ADAMTS12: variants seen among roughly 807,000 people sequenced by gnomAD.
The protein encoded by ADAMTS12 is ADAM metallopeptidase with thrombospondin type 1 motif 12, also known as A disintegrin and metalloproteinase with thrombospondin motifs 12.
ADAMTS12 carries 118 observed loss-of-function variants against 167.8 expected under a neutral mutation model. That is an observed-to-expected ratio of 0.70 (90% CI 0.61 to 0.82). The LOEUF (loss-of-function observed/expected upper bound fraction) is 0.82. ADAMTS12 is among the 40% of genes least tolerant of loss of function. The pLI, the probability that ADAMTS12 is intolerant of heterozygous loss-of-function variation, is 0.00. For synonymous variants in ADAMTS12, 704 were observed against 716.9 expected (o/e 0.98, Z 0.29); for missense variants, 1,916 against 1,998.8 (o/e 0.96, Z 0.79).
chr5:33,741,506 C>G (rs915559215), intron 3 of ADAMTS12, among the ~76,000 whole-genome samples: 2 of 152,158 alleles, frequency 1.3e-5, no homozygotes, highest in Non-Finnish European at 2.9e-5. Flanking sequence ...ATTCTGAGGT[C>G]CTGGGGGTCA....
At chr5:33,534,318 G>C (rs58438546) in intron 23 of ADAMTS12, among the ~76,000 whole-genome samples, 75,304 of 151,514 alleles carry the variant, frequency 0.5, 20,171 homozygotes, top group East Asian at 0.77. Flanking sequence ...GTGTCTCCTC[G>C]TTTTCCATCC....
intron 2 of ADAMTS12, among the ~76,000 whole-genome samples, chr5:33,801,174 C>T (rs757567174): frequency 4.6e-5 from 7 of 152,118 alleles, no homozygotes; most frequent in East Asian, 1.9e-4. Context: ...GATTTCAGCC[C>T]GTGAAACCGA....
chr5:33,746,255 T>C (rs546343530), intron 3 of ADAMTS12, among the ~76,000 whole-genome samples: 30 of 152,344 alleles, frequency 2.0e-4, no homozygotes, highest in African/African-American at 7.2e-4. Context: ...ATGTGGAGTA[T>C]GGTGGTCACT....
chr5:33,755,681 C>A (rs1488944965), intron 2 of ADAMTS12, among the ~76,000 whole-genome samples: 1 of 152,120 alleles, frequency 6.6e-6, no homozygotes, highest in Non-Finnish European at 1.5e-5. Context: ...ACAAGTAAAG[C>A]CTGAAGGGTA....
intron 2 of ADAMTS12, among the ~76,000 whole-genome samples, chr5:33,865,856 T>C (rs899837179): frequency 3.3e-5 from 5 of 152,122 alleles, no homozygotes; most frequent in Admixed American, 1.3e-4. Flanking sequence ...CTCAATCCCT[T>C]TAACAATCGC....
At chr5:33,758,978 C>G (rs1745258605) in intron 2 of ADAMTS12, among the ~76,000 whole-genome samples, 2 of 152,188 alleles carry the variant, frequency 1.3e-5, no homozygotes, top group South Asian at 4.1e-4. Context: ...CAAAACAGAT[C>G]AGATGATACC....
At position 33,528,821 on chromosome 5, in the gene ADAMTS12, C is replaced by T. The variant is rs560517105; in HGVS notation, c.4607-1455G>A. Among the ~76,000 whole-genome samples the T allele has an allele frequency of 3.4e-4, 52 of 152,192 alleles. No individual in the cohort carries two copies. The South Asian group carries it at 4.1e-3, about 12-fold the overall frequency. Reference sequence around the variant, plus strand: ...CAGCACTTTGGGAGGCTGACGTGGGCGGATCATGAGGTCAGGAATTCGAGA... The same window carrying T: ...CAGCACTTTGGGAGGCTGACGTGGGTGGATCATGAGGTCAGGAATTCGAGA... On this transcript the variant is annotated intron_variant, in intron 23 of 23. Coordinates refer to ENST00000504830, the MANE Select transcript of ADAMTS12 (RefSeq NM_030955.4).
intron 11 of ADAMTS12, among the ~76,000 whole-genome samples, chr5:33,641,264 C>T (rs1740431007): frequency 6.6e-6 from 1 of 152,022 alleles, no homozygotes; most frequent in Non-Finnish European, 1.5e-5. Context: ...ATAACATTTG[C>T]AGAATCCTTA....
chr5:33,786,442 A>G (rs1366691531), intron 2 of ADAMTS12, among the ~76,000 whole-genome samples: 1 of 149,610 alleles, frequency 6.7e-6, no homozygotes, highest in Non-Finnish European at 1.5e-5. Context: ...AAGGCAGCAT[A>G]TTAAAATCAT....
At chr5:33,700,517 T>G (rs948168640) in intron 3 of ADAMTS12, among the ~76,000 whole-genome samples, 1 of 151,960 alleles carries the variant, frequency 6.6e-6, no homozygotes, top group South Asian at 2.1e-4. Context: ...TTGCCAAGGG[T>G]TAGGATGGAG....
intron 23 of ADAMTS12, 127 bp downstream of exon 23, chr5:33,534,706 G>A (rs1744285973): frequency 7.8e-7 from 1 of 1,278,538 alleles, no homozygotes; most frequent in African/African-American, 1.5e-5. Context: ...CAGGGTTACT[G>A]GTTGACCTCT....
chr5:33,592,347 T>C (rs1747687859), intron 17 of ADAMTS12, among the ~76,000 whole-genome samples: 1 of 152,174 alleles, frequency 6.6e-6, no homozygotes, highest in Admixed American at 6.5e-5. Flanking sequence ...ATTTAAGTCA[T>C]ATGTCATTAT....
chr5:33,751,171 T>C (rs1744960240), intron 3 of ADAMTS12: 1 of 515,692 alleles, frequency 1.9e-6, no homozygotes, highest in Admixed American at 3.7e-5. Flanking sequence ...TTCCTTCTCA[T>C]TAAGAATATG....
At chr5:33,697,346 T>C (rs1742819631) in intron 3 of ADAMTS12, among the ~76,000 whole-genome samples, 5 of 152,160 alleles carry the variant, frequency 3.3e-5, no homozygotes, top group Admixed American at 1.3e-4. Flanking sequence ...GAGAGGCATT[T>C]AAAAGGAAAA....
chr5:33,559,859 G>A (rs1745653432), intron 20 of ADAMTS12, among the ~76,000 whole-genome samples: 1 of 152,108 alleles, frequency 6.6e-6, no homozygotes, highest in Non-Finnish European at 1.5e-5. Context: ...CAGCCTGGGT[G>A]ACAAAGTGAG....
At chr5:33,843,050 C>T (rs1748802429) in intron 2 of ADAMTS12, among the ~76,000 whole-genome samples, 1 of 152,196 alleles carries the variant, frequency 6.6e-6, no homozygotes, top group Non-Finnish European at 1.5e-5. Context: ...ATCACCCAGA[C>T]AAACATGGTG....
intron 2 of ADAMTS12, among the ~76,000 whole-genome samples, chr5:33,877,144 G>A (rs1750258660): frequency 6.6e-6 from 1 of 152,184 alleles, no homozygotes; most frequent in South Asian, 2.1e-4. Flanking sequence ...GCAGGGGCTG[G>A]AATTAGAGTT....
intron 13 of ADAMTS12, among the ~76,000 whole-genome samples, chr5:33,627,741 A>G (rs1390833691): frequency 1.3e-5 from 2 of 152,112 alleles, no homozygotes; most frequent in Non-Finnish European, 2.9e-5. Flanking sequence ...AGGAGATAGG[A>G]CCTGGTATTC....
At chr5:33,862,856 G>A (rs4535458) in intron 2 of ADAMTS12, among the ~76,000 whole-genome samples, 51,506 of 151,660 alleles carry the variant, frequency 0.34, 8,950 homozygotes, top group African/African-American at 0.41. Flanking sequence ...AGATCAAGTC[G>A]GCTTCATCCC....
Sources: gnomAD v4.1 joint callset for allele counts (sites outside exome capture counted in the v4.1 genomes callset) on GRCh38, gnomAD v4.1.1 for gene constraint, MANE v1.5 for transcripts, NCBI Gene and HGNC (gene_info 2026-07-23, HGNC 2026-07-21) for gene names.